Variants in WDR33 observed in about 807,000 individuals in gnomAD.
WDR33 encodes pre-mRNA 3' end processing protein WDR33.
In WDR33, 47 loss-of-function variants were observed where a neutral mutation model predicts 164.9. That is an observed-to-expected ratio of 0.29 (90% CI 0.23 to 0.36). The LOEUF is 0.36. WDR33 is among the 10% of genes least tolerant of loss of function. The pLI is 1.00. For synonymous variants in WDR33, 505 were observed against 589.0 expected (o/e 0.86, Z 2.06); for missense variants, 1,137 against 1,754.1 (o/e 0.65, Z 6.28).
rs1208570675 is a variant in WDR33, at chr2:127,705,757, CAG to C, written c.*564_*565del. 1.3e-5 allele frequency: 2 copies of C among 152,242 alleles called. No homozygotes were observed. The highest frequency in any genetic ancestry group is 1.3e-4 in the Admixed American group (2 of 15,270). The allele number at this position is 152,242 out of a possible 1,614,324, so 9.4% of individuals were successfully genotyped here. A position where few individuals can be genotyped will look rare whatever the true frequency, so the allele number is the denominator to read the frequency against. On this transcript the variant is annotated 3_prime_UTR_variant, in exon 22 of 22. Coordinates refer to ENST00000322313, the MANE Select transcript of WDR33 (RefSeq NM_018383.5). The surrounding 1 kb of genome is among the most constrained non-coding windows in gnomAD (Gnocchi z 4.5). Reference sequence around the variant, plus strand: ...TTTTTCTGTCACAAAAATGGTGTGACAGAATGTGTTGAAAAACACAAAGTTCA... The same window carrying C: ...TTTTTCTGTCACAAAAATGGTGTGACAATGTGTTGAAAAACACAAAGTTCA...
At chr2:127,732,166 C>A (rs1421569461) in intron 7 of WDR33, among the ~76,000 whole-genome samples, 1 of 150,894 alleles carries the variant, frequency 6.6e-6, no homozygotes, top group African/African-American at 2.4e-5. Context: ...CAGACGGACA[C>A]CCCAATAAGC....
intron 7 of WDR33, among the ~76,000 whole-genome samples, chr2:127,752,935 A>G (rs906514490): frequency 1.3e-5 from 2 of 152,144 alleles, no homozygotes; most frequent in Non-Finnish European, 2.9e-5. Flanking sequence ...TTATTTATTT[A>G]TTTATGAGAT....
rs142052267 is a variant in WDR33, at chr2:127,716,336, T to C, written c.2869+819A>G. Among the ~76,000 whole-genome samples the C allele has an allele frequency of 6.6e-6, 1 of 152,314 alleles. No homozygotes were observed. The highest frequency in any genetic ancestry group is 1.9e-4 in the East Asian group (1 of 5,178). On this transcript the variant is annotated intron_variant, in intron 17 of 21. Transcript: ENST00000322313. This position sits in a 1 kb window ranked among gnomAD's most constrained non-coding sequence, Gnocchi z 4.5. Reference sequence around the variant, plus strand: ...TGCTATGGGCTTAGCCAATTAAAACTAAGAGAGTAAAGTTCTGTGAAGGGC... The same window carrying C: ...TGCTATGGGCTTAGCCAATTAAAACCAAGAGAGTAAAGTTCTGTGAAGGGC...
intron 18 of WDR33, among the ~76,000 whole-genome samples, chr2:127,711,770 A>ATTTTTTTTTTTTTTTTTTT (rs1220888579): frequency 2.6e-5 from 2 of 77,876 alleles, no homozygotes; most frequent in Middle Eastern, 8.5e-3. Flanking sequence ...ATATATATAT[A>ATTTTTTTTTTTTTTTTTTT]TATATATATA....
rs1249053719 is a variant in WDR33, at chr2:127,716,097, G to A, written c.2869+1058C>T. On this transcript the variant is annotated intron_variant, in intron 17 of 21. Coordinates refer to ENST00000322313, the MANE Select transcript of WDR33 (RefSeq NM_018383.5). The surrounding 1 kb of genome is among the most constrained non-coding windows in gnomAD (Gnocchi z 4.5). ...TCCTTTTGTTTCTCTAGTTCGCTGT[G>A]GGCCACGTTCCTTCTGTATAGCCTC... Among the ~76,000 whole-genome samples, 25 of 152,072 alleles carry A rather than the reference G, an allele frequency of 1.6e-4. 1 individual carries two copies. The highest frequency in any genetic ancestry group is 1.6e-3 in the Admixed American group (24 of 15,266).
At position 127,764,296 on chromosome 2, in the gene WDR33, T is replaced by C; in HGVS notation, c.626+532A>G. The C allele has an allele frequency of 1.5e-6, 2 of 1,295,538 alleles. No homozygotes were observed. Among genetic ancestry groups the C allele is most frequent in the Non-Finnish European group, 9.8e-7 (1 of 1,021,160 alleles). The allele number at this position is 1,295,538 out of a possible 1,614,324, so 80.3% of individuals were successfully genotyped here. A position where few individuals can be genotyped will look rare whatever the true frequency, so the allele number is the denominator to read the frequency against. ...ACAGCTGCAAAGCTTGAAGAACCCA[T>C]TCATTACTCCGTTAATGTTTGCCAC... On this transcript the variant is annotated intron_variant, in intron 6 of 21. Coordinates refer to ENST00000322313, the MANE Select transcript of WDR33 (RefSeq NM_018383.5). This position sits in a 1 kb window ranked among gnomAD's most constrained non-coding sequence, Gnocchi z 6.2.
Position 127,724,002 on chromosome 2 carries a change from A to C in WDR33, c.1196+331T>G. On this transcript the variant is annotated intron_variant, in intron 11 of 21. Transcript: ENST00000322313. The surrounding 1 kb of genome is among the most constrained non-coding windows in gnomAD (Gnocchi z 4.8). Reference sequence around the variant, plus strand: ...TGAGGTAGGAGGATCACCTGAGCCCAGGAAGGTTGAGGCTATAGTGAGCTG... The same window carrying C: ...TGAGGTAGGAGGATCACCTGAGCCCCGGAAGGTTGAGGCTATAGTGAGCTG... 6.6e-6 allele frequency among the ~76,000 whole-genome samples: 1 copy of C among 152,248 alleles called. No homozygotes were observed. The highest frequency in any genetic ancestry group is 3.4e-3 in the Middle Eastern group (1 of 294).
rs143186338 is a variant in WDR33, at chr2:127,769,005, TTAAATAAATAAATAAA to T, written c.205-20_205-5del. On this transcript the variant is annotated splice_region_variant and splice_polypyrimidine_tract_variant and intron_variant, in intron 2 of 21. Transcript: ENST00000322313. ...GGTCTCTTTGCCATATTCTGTTCTGTTAAATAAATAAATAAATAAATAAATAAATAAATAGATCAAT... is the reference window on the plus strand; with the variant it reads ...GGTCTCTTTGCCATATTCTGTTCTGTTAAATAAATAAATAAATAGATCAAT... 5 of 911,886 alleles carry T rather than the reference TTAAATAAATAAATAAA, an allele frequency of 5.5e-6. No individual in the cohort carries two copies. The highest frequency in any genetic ancestry group is 6.1e-6 in the Non-Finnish European group (4 of 660,880). The allele number at this position is 911,886 out of a possible 1,614,324, so 56.5% of individuals were successfully genotyped here.
intron 4 of WDR33, among the ~76,000 whole-genome samples, chr2:127,767,540 C>T (rs191728166): frequency 1.3e-4 from 20 of 151,874 alleles, no homozygotes; most frequent in South Asian, 4.2e-4. Flanking sequence ...GGTGAAACCC[C>T]GTCTCTACTA....
intron 7 of WDR33, among the ~76,000 whole-genome samples, chr2:127,730,332 G>T (rs1686671711): frequency 6.6e-6 from 1 of 152,104 alleles, no homozygotes; most frequent in African/African-American, 2.4e-5. Flanking sequence ...TCAGGAAGAA[G>T]TGACTGAATT....
chr2:127,710,948 T>C lies in WDR33; in HGVS notation c.3309-1092A>G, dbSNP rs545955263. ...ACGTGCTTTATCTTCTCCGTCCAGCTACTCACAAACATGTTTTCTAAACCA... is the reference window on the plus strand; with the variant it reads ...ACGTGCTTTATCTTCTCCGTCCAGCCACTCACAAACATGTTTTCTAAACCA... On this transcript the variant is annotated intron_variant, in intron 18 of 21. Coordinates refer to ENST00000322313, the MANE Select transcript of WDR33 (RefSeq NM_018383.5). The surrounding 1 kb of genome is among the most constrained non-coding windows in gnomAD (Gnocchi z 4.4). Among the ~76,000 whole-genome samples the C allele has an allele frequency of 1.2e-4, 19 of 152,362 alleles. No homozygotes were observed. The South Asian group carries it at 3.3e-3, about 27-fold the overall frequency.
chr2:127,701,499 CT>C lies in WDR33; in HGVS notation c.*4823del, dbSNP rs1311893873. 1.6e-6 allele frequency: 2 copies of C among 1,279,410 alleles called. No homozygotes were observed. Among genetic ancestry groups the C allele is most frequent in the Non-Finnish European group, 2.0e-6 (2 of 1,009,938 alleles). The allele number at this position is 1,279,410 out of a possible 1,614,324, so 79.3% of individuals were successfully genotyped here. ...GCGGAGGGCCGGAAGTGAGCCGCAG[CT>C]TTTCCTTTCTGCCACCGCCTTGTCC... is the stretch of plus-strand genomic sequence containing the variant. On this transcript the variant is annotated 3_prime_UTR_variant, in exon 22 of 22. Transcript: ENST00000322313.
intron 7 of WDR33, chr2:127,737,098 TCTC>T: frequency 2.0e-6 from 2 of 985,432 alleles, no homozygotes; most frequent in Non-Finnish European, 2.4e-6. Flanking sequence ...ACCAGCAAAT[TCTC>T]CTCTGTGGAC....
At chr2:127,774,654 C>T (rs1240673431) in intron 1 of WDR33, among the ~76,000 whole-genome samples, 1 of 151,966 alleles carries the variant, frequency 6.6e-6, no homozygotes, top group Non-Finnish European at 1.5e-5. Context: ...ATGGTGAAAC[C>T]CCGTCTCTAC....
chr2:127,795,546 C>T (rs1019601311), intron 1 of WDR33, among the ~76,000 whole-genome samples: 4 of 151,652 alleles, frequency 2.6e-5, no homozygotes, highest in African/African-American at 7.3e-5. Flanking sequence ...ATTATGTACT[C>T]CAGTTTAAAG....
In WDR33 at chr2:127,701,910, G is replaced by GGCGGC. The variant is rs1250419267; in HGVS notation, c.*4408_*4412dup. The GGCGGC allele has an allele frequency of 9.0e-6, 13 of 1,448,860 alleles. No individual in the cohort carries two copies. Among genetic ancestry groups the GGCGGC allele is most frequent in the Non-Finnish European group, 2.7e-6 (3 of 1,107,196 alleles). The allele number at this position is 1,448,860 out of a possible 1,614,324, so 89.8% of individuals were successfully genotyped here. A position where few individuals can be genotyped will look rare whatever the true frequency, so the allele number is the denominator to read the frequency against. On this transcript the variant is annotated 3_prime_UTR_variant, in exon 22 of 22. Transcript: ENST00000322313. ...GTTGGCGGGAAGCGCGCTGCTGCGG[G>GGCGGC]GCGGCGCGGCGTGCGGACGCCTGCT...
At chr2:127,742,270 G>T (rs1472948546) in intron 7 of WDR33, among the ~76,000 whole-genome samples, 1 of 152,074 alleles carries the variant, frequency 6.6e-6, no homozygotes, top group Non-Finnish European at 1.5e-5. Flanking sequence ...GCTCAAGTCT[G>T]TAATCCCAGG....
At chr2:127,758,112 C>T (rs776527582) in intron 7 of WDR33, among the ~76,000 whole-genome samples, 2 of 152,068 alleles carry the variant, frequency 1.3e-5, no homozygotes, top group Non-Finnish European at 2.9e-5. Context: ...TAGTGTGAAC[C>T]AATAGCTGTG....
Position 127,706,396 on chromosome 2 carries a change from C to T in WDR33, c.3938G>A (p.Trp1313Ter). The T allele has an allele frequency of 6.2e-7, 1 of 1,613,332 alleles. No homozygotes were observed. The highest frequency in any genetic ancestry group is 8.5e-7 in the Non-Finnish European group (1 of 1,179,680). ...PSRGGRSGSN[W>*]GRGSNMNSGP... ...AGAGTTCATGTTACTCCCTCTACCC[C>T]AGTTACTGCCACTCCGGCCCCCTCG... Residue 1313 changes from tryptophan to a stop codon, truncating the protein, a stop_gained, in exon 22 of 22, where the codon TGG (tryptophan) becomes TAG (stop). Coordinates refer to ENST00000322313, the MANE Select transcript of WDR33 (RefSeq NM_018383.5). LOFTEE classifies it high-confidence loss of function. The surrounding 1 kb of genome is among the most constrained non-coding windows in gnomAD (Gnocchi z 5.1).
Sources: allele counts gnomAD v4.1 joint callset (sites outside exome capture counted in the v4.1 genomes callset), GRCh38; gene constraint gnomAD v4.1.1; non-coding constraint Gnocchi (gnomAD v3.1); transcripts MANE v1.5; gene names NCBI Gene and HGNC (gene_info 2026-07-23, HGNC 2026-07-21).